The following NME7 variants were observed in gnomAD, a reference collection of about 807,000 sequenced individuals.
NME7 encodes the protein nucleoside diphosphate kinase 7.
Under a neutral mutation model 49.1 loss-of-function variants are expected in NME7, and 41 were observed. The observed-to-expected ratio is 0.83, with a 90% CI of 0.65 to 1.08. NME7 has a LOEUF of 1.08. Ranked by LOEUF, NME7 falls within the 50% of genes least tolerant of loss-of-function variation. The probability of loss-of-function intolerance (pLI) is 0.00; values close to 1 mark genes in which losing one functional copy is unlikely to be tolerated. For synonymous variants in NME7, 139 were observed against 150.6 expected (o/e 0.92, Z 0.56); for missense variants, 423 against 463.4 (o/e 0.91, Z 0.80).
intron 7 of NME7, among the ~76,000 whole-genome samples, chr1:169,243,599 C>A (rs907744731): frequency 2.0e-5 from 3 of 152,094 alleles, no homozygotes; most frequent in African/African-American, 7.2e-5. Flanking sequence ...GGCATTAGTG[C>A]CCTTATAAAA....
chr1:169,303,743 C>T (rs931168655), intron 4 of NME7, among the ~76,000 whole-genome samples: 2 of 152,258 alleles, frequency 1.3e-5, no homozygotes, highest in African/African-American at 4.8e-5. Context: ...TGAGCCACCG[C>T]ACCTGGCCTT....
intron 6 of NME7, among the ~76,000 whole-genome samples, chr1:169,291,968 A>G (rs925650018): frequency 2.0e-5 from 3 of 152,148 alleles, no homozygotes; most frequent in African/African-American, 7.2e-5. Context: ...GGTGGTCTGA[A>G]CCAAATCTAC....
rs1660766121 is a variant in NME7, at chr1:169,209,912, T to A, written c.990+20806A>T. On this transcript the variant is annotated intron_variant, in intron 10 of 11. Coordinates refer to ENST00000367811, the MANE Select transcript of NME7 (RefSeq NM_013330.5). The stretch of plus-strand genomic sequence containing the variant: ...AAAATCTTTCAGGAATTCCTCTACT[T>A]CAGCTAAGCTAGAGCCTCCTGTTAT... Among the ~76,000 whole-genome samples the A allele has an allele frequency of 2.6e-5, 4 of 152,146 alleles. No homozygotes were observed. The South Asian group carries it at 8.3e-4, about 31-fold the overall frequency.
At chr1:169,153,170 C>T (rs1160617661) in intron 11 of NME7, among the ~76,000 whole-genome samples, 1 of 152,110 alleles carries the variant, frequency 6.6e-6, no homozygotes, top group African/African-American at 2.4e-5. Context: ...GCCTCACTCT[C>T]TTAGCATATA....
chr1:169,195,627 C>T (rs553684719), intron 10 of NME7, among the ~76,000 whole-genome samples: 3 of 152,242 alleles, frequency 2.0e-5, no homozygotes, highest in South Asian at 2.1e-4. Context: ...TAGAGCAAAT[C>T]GTTATCAAGT....
chr1:169,287,535 A>G (rs1046977195), intron 6 of NME7, 127 bp from the exon 7 acceptor site: 2 of 708,326 alleles, frequency 2.8e-6, no homozygotes, highest in Admixed American at 6.4e-5. Context: ...TTTGTTTCAG[A>G]TTTTCTAAAA....
chr1:169,336,198 C>T (rs1209729083), intron 1 of NME7, among the ~76,000 whole-genome samples: 2 of 151,682 alleles, frequency 1.3e-5, no homozygotes, highest in Non-Finnish European at 2.9e-5. Context: ...CTCGTGGTCT[C>T]GCTGGGCTCA....
intron 11 of NME7, among the ~76,000 whole-genome samples, chr1:169,143,922 A>G (rs1484419760): frequency 6.6e-6 from 1 of 152,182 alleles, no homozygotes; most frequent in African/African-American, 2.4e-5. Context: ...CTAATAAGCT[A>G]CGGACCATTT....
intron 1 of NME7, among the ~76,000 whole-genome samples, chr1:169,333,554 T>C (rs1652342858): frequency 1.4e-5 from 2 of 142,986 alleles, no homozygotes; most frequent in Admixed American, 1.4e-4. Flanking sequence ...ACATTCACCA[T>C]GATATGCTTA....
chr1:169,169,569 T>A lies in NME7; in HGVS notation c.991-15A>T. 6.2e-7 allele frequency: 1 copy of A among 1,600,726 alleles called. No homozygotes were observed. Among genetic ancestry groups the A allele is most frequent in the Non-Finnish European group, 8.6e-7 (1 of 1,168,152 alleles). ...CGGGCAATTTCCTATTAAACATACA[T>A]TCACATATAGATTAATGTTAGTCAT... On this transcript the variant is annotated splice_polypyrimidine_tract_variant and intron_variant, in intron 10 of 11. Transcript: ENST00000367811.
At chr1:169,135,089 CT>C (rs1658392298) in intron 11 of NME7, among the ~76,000 whole-genome samples, 2 of 146,376 alleles carry the variant, frequency 1.4e-5, no homozygotes, top group South Asian at 4.5e-4. Flanking sequence ...ACTTGGACGT[CT>C]GGGGTGGTAG....
In NME7 at chr1:169,257,437, C is replaced by G. The variant is rs1045498700; in HGVS notation, c.755-19750G>C. 9.0e-5 allele frequency among the ~76,000 whole-genome samples: 12 copies of G among 133,792 alleles called. 2 individuals are homozygous for G. In the East Asian group the frequency reaches 1.8e-3, roughly 20 times the overall value. 87.8% of individuals were successfully genotyped at this position (133,792 alleles called of 152,430 possible). A position where few individuals can be genotyped will look rare whatever the true frequency, so the allele number is the denominator to read the frequency against. Reference sequence around the variant, plus strand: ...CCTGCTTCGGCTTGCGAACGGTACGCGCACCCACTGACCTGCGCCCACTGT... The same window carrying G: ...CCTGCTTCGGCTTGCGAACGGTACGGGCACCCACTGACCTGCGCCCACTGT... On this transcript the variant is annotated intron_variant, in intron 7 of 11. Coordinates refer to ENST00000367811, the MANE Select transcript of NME7 (RefSeq NM_013330.5).
chr1:169,355,231 TATATA>T (rs1490886188), intron 1 of NME7, among the ~76,000 whole-genome samples: 1,563 of 75,900 alleles, frequency 0.021, 437 homozygotes, highest in Non-Finnish European at 0.031. Flanking sequence ...ATAGATATAA[TATATA>T]ATATATTATA....
intron 10 of NME7, among the ~76,000 whole-genome samples, chr1:169,225,316 C>T (rs191425094): frequency 6.6e-6 from 1 of 152,224 alleles, no homozygotes; most frequent in African/African-American, 2.4e-5. Flanking sequence ...GCCATGTTGG[C>T]CAGGCTGATC....
chr1:169,309,883 T>A (rs1460996585), intron 4 of NME7, 87 bp downstream of exon 4: 19 of 835,710 alleles, frequency 2.3e-5, no homozygotes, highest in Middle Eastern at 3.6e-4. Context: ...CGAGGTTTTT[T>A]AATTTTAAAC....
chr1:169,308,216 T>C (rs924667689), intron 4 of NME7, among the ~76,000 whole-genome samples: 4 of 152,048 alleles, frequency 2.6e-5, no homozygotes, highest in Admixed American at 2.6e-4. Flanking sequence ...CAATTAAACA[T>C]GTCATTGTCA....
chr1:169,148,533 A>G (rs549714459), intron 11 of NME7, among the ~76,000 whole-genome samples: 1 of 152,326 alleles, frequency 6.6e-6, no homozygotes, highest in Admixed American at 6.5e-5. Context: ...GATGAATTCT[A>G]TTAGGGCAAC....
rs550467565 is a variant in NME7 at position 169,169,535 on chromosome 1, C to T, written c.1010G>A (p.Arg337His). Residue 337 changes from arginine (R) to histidine (H), a missense_variant, in exon 11 of 12, where the codon CGC becomes CAC. Coordinates refer to ENST00000367811, the MANE Select transcript of NME7 (RefSeq NM_013330.5). Reference protein sequence around the residue: ...PADPEIARHLRPGTLRAIFGK... With the variant: ...PADPEIARHLHPGTLRAIFGK... ...AAAGATTGCTCTGAGAGTTCCAGGG[C>T]GTAAATGCCGGGCAATTTCCTATTA... 721 of 1,613,802 alleles carry T rather than the reference C, an allele frequency of 4.5e-4. 8 individuals carry two copies. In the South Asian group the frequency reaches 7.2e-3, roughly 16 times the overall value.
intron 10 of NME7, among the ~76,000 whole-genome samples, chr1:169,188,056 A>G (rs1444271925): frequency 6.6e-6 from 1 of 152,110 alleles, no homozygotes; most frequent in Non-Finnish European, 1.5e-5. Flanking sequence ...CTTTTCTTTA[A>G]GAATGTTGAA....
Sources: gnomAD v4.1 joint callset for allele counts (sites outside exome capture counted in the v4.1 genomes callset) on GRCh38, gnomAD v4.1.1 for gene constraint, MANE v1.5 for transcripts, NCBI Gene and HGNC (gene_info 2026-07-23, HGNC 2026-07-21) for gene names.